USP40: variants seen among roughly 807,000 people sequenced by gnomAD.
USP40 encodes the protein ubiquitin carboxyl-terminal hydrolase 40.
A neutral mutation model predicts 166.2 loss-of-function variants in USP40; 143 were observed. That is an observed-to-expected ratio of 0.86 (90% CI 0.75 to 0.99). The LOEUF is 0.99. USP40 is among the 50% of genes least tolerant of loss of function. USP40 has a pLI of 0.00. For missense variants in USP40, 1,444 were observed against 1,479.7 expected (o/e 0.98, Z 0.40); for synonymous variants, 498 against 524.0 (o/e 0.95, Z 0.68).
chr2:233,506,795 C>T (rs887929720), intron 21 of USP40, among the ~76,000 whole-genome samples: 5 of 150,244 alleles, frequency 3.3e-5, no homozygotes, highest in Non-Finnish European at 7.4e-5. Flanking sequence ...CCTGCGATCC[C>T]AGCTACTTCG....
chr2:233,515,428 G>A (rs547362229), intron 18 of USP40, among the ~76,000 whole-genome samples: 8 of 152,300 alleles, frequency 5.3e-5, no homozygotes, highest in Middle Eastern at 3.4e-3. Context: ...TGGGTGCACA[G>A]TAGGGTGTCA....
At chr2:233,564,873 G>A (rs2071995541) in intron 2 of USP40, among the ~76,000 whole-genome samples, 1 of 152,136 alleles carries the variant, frequency 6.6e-6, no homozygotes, top group Non-Finnish European at 1.5e-5. Flanking sequence ...ACAAGCTCAG[G>A]TGAGATCAGA....
intron 2 of USP40, 39 bp from the exon 3 acceptor site, chr2:233,562,842 A>G (rs2071777952): frequency 2.1e-6 from 3 of 1,455,050 alleles, no homozygotes. Context: ...AAATGACATC[A>G]TTTCATTTTA....
chr2:233,511,874 T>C, intron 19 of USP40, 77 bp from the exon 20 acceptor site: 1 of 1,211,596 alleles, frequency 8.3e-7, no homozygotes, highest in Non-Finnish European at 1.1e-6. Flanking sequence ...GAAATCAGTA[T>C]TTCTTTGAAA....
chr2:233,559,550 T>G (rs1262679956), intron 4 of USP40, among the ~76,000 whole-genome samples: 1 of 152,176 alleles, frequency 6.6e-6, no homozygotes, highest in Non-Finnish European at 1.5e-5. Flanking sequence ...GGGTAGAAAT[T>G]GTAAAAATCA....
In USP40 at chr2:233,519,694, T is replaced by A. The variant is rs768925393; in HGVS notation, c.2326-23A>T. 9.2e-6 allele frequency: 12 copies of A among 1,303,174 alleles called. No homozygotes were observed. In the Middle Eastern group the frequency reaches 5.6e-4, roughly 61 times the overall value. The allele number at this position is 1,303,174 out of a possible 1,614,324, so 80.7% of individuals were successfully genotyped here. On this transcript the variant is annotated intron_variant, in intron 17 of 31. Coordinates refer to ENST00000678225, the MANE Select transcript of USP40 (RefSeq NM_001365479.2). ...CATCTAAAACAGAGAAATAAAATAA[T>A]GACTAAGTTGTAAAAAATGGGAGGA...
intron 6 of USP40, 131 bp from the exon 7 acceptor site, chr2:233,551,650 T>C (rs953695649): frequency 3.4e-6 from 3 of 870,798 alleles, no homozygotes; most frequent in Non-Finnish European, 5.1e-6. Flanking sequence ...CTCATTACCA[T>C]GGATTCAACA....
intron 10 of USP40, among the ~76,000 whole-genome samples, chr2:233,534,148 G>A (rs1185041194): frequency 6.6e-6 from 1 of 152,188 alleles, no homozygotes; most frequent in African/African-American, 2.4e-5. Flanking sequence ...CAATCACACA[G>A]TGTACCACCA....
In USP40 at chr2:233,493,426, T is replaced by G. The variant is rs754492955; in HGVS notation, c.2916A>C (p.Gln972His). ...GCTGAAATCCCATTCTGTTCTCACC[T>G]TGGCTGGAAGTGGCTCTCCAAACTC... ...WGRVWRATSS[Q>H]GASGNEPAQV... is the part of the protein sequence containing the mutation. Residue 972 changes from glutamine (Q) to histidine (H), a missense_variant and splice_region_variant, in exon 25 of 32, where the codon CAA becomes CAC. Transcript: ENST00000678225. The surrounding 1 kb of genome is among the most constrained non-coding windows in gnomAD (Gnocchi z 4.7). The G allele has an allele frequency of 6.2e-7, 1 of 1,614,018 alleles. No individual in the cohort carries two copies. The highest frequency in any genetic ancestry group is 2.2e-5 in the East Asian group (1 of 44,884).
In USP40 at chr2:233,475,705, T is replaced by C. The variant is rs538715435; in HGVS notation, c.*1687A>G. The stretch of plus-strand genomic sequence containing the variant: ...TCAGGGCACAACCCACACGCGTCTT[T>C]GGACTTGCAGACATTCCGCGAGGCT... On this transcript the variant is annotated 3_prime_UTR_variant, in exon 32 of 32. Coordinates refer to ENST00000678225, the MANE Select transcript of USP40 (RefSeq NM_001365479.2). 1.3e-5 allele frequency: 2 copies of C among 152,390 alleles called. No individual in the cohort carries two copies. The highest frequency in any genetic ancestry group is 2.9e-5 in the Non-Finnish European group (2 of 68,054). The allele number at this position is 152,390 out of a possible 1,614,324, so 9.4% of individuals were successfully genotyped here. A position where few individuals can be genotyped will look rare whatever the true frequency, so the allele number is the denominator to read the frequency against.
At chr2:233,477,822 A>T (rs1474917377) in intron 31 of USP40, among the ~76,000 whole-genome samples, 3 of 152,204 alleles carry the variant, frequency 2.0e-5, no homozygotes, top group African/African-American at 7.2e-5. Flanking sequence ...GAAGAATAAC[A>T]TCCGGAGTGC....
intron 8 of USP40, chr2:233,542,646 C>G (rs540313674): frequency 9.9e-5 from 27 of 272,044 alleles, no homozygotes; most frequent in Admixed American, 3.8e-4. Flanking sequence ...CCACTGCACT[C>G]CAGCATGGAT....
At chr2:233,512,461 A>G in intron 19 of USP40, 108 bp downstream of exon 19, 2 of 594,652 alleles carry the variant, frequency 3.4e-6, no homozygotes, top group Non-Finnish European at 5.4e-6. Context: ...TGTCCTATAA[A>G]TCAGTTTCCA....
At chr2:233,558,199 A>G (rs1021226859) in intron 4 of USP40, among the ~76,000 whole-genome samples, 1 of 152,026 alleles carries the variant, frequency 6.6e-6, no homozygotes, top group Non-Finnish European at 1.5e-5. Flanking sequence ...CACTTCGCAA[A>G]GGTACCACAG....
chr2:233,493,344 T>A lies in USP40; in HGVS notation c.2917+81A>T, dbSNP rs1342319568. 3 of 1,578,078 alleles carry A rather than the reference T, an allele frequency of 1.9e-6. No homozygotes were observed. The highest frequency in any genetic ancestry group is 2.7e-5 in the African/African-American group (2 of 74,046). On this transcript the variant is annotated intron_variant, in intron 25 of 31. Transcript: ENST00000678225. This position sits in a 1 kb window ranked among gnomAD's most constrained non-coding sequence, Gnocchi z 4.7. ...ATCTTACGTTTTAAAAATAAATATA[T>A]CAATTGACTCTCAGAGCACAGGCAG...
intron 5 of USP40, among the ~76,000 whole-genome samples, chr2:233,555,474 G>A (rs1461791597): frequency 6.6e-6 from 1 of 152,016 alleles, no homozygotes; most frequent in African/African-American, 2.4e-5. Context: ...ACAGTATATG[G>A]TTTATAATAT....
chr2:233,494,891 T>G (rs1224926227), intron 24 of USP40, among the ~76,000 whole-genome samples: 3 of 102,060 alleles, frequency 2.9e-5, no homozygotes, highest in Non-Finnish European at 5.7e-5. Context: ...ATCCTGTAGA[T>G]ATACTCATAT....
At position 233,559,841 on chromosome 2, in the gene USP40, G is replaced by A. The variant is rs1341749015; in HGVS notation, c.351C>T (p.Leu117=). The change falls in exon 4 of 32, where the codon CTC becomes CTT. Residue 117 remains leucine (L), a synonymous_variant. Coordinates refer to ENST00000678225, the MANE Select transcript of USP40 (RefSeq NM_001365479.2). ...LDQEAASTAD[L]TDSFGWTSNE... ...TACTGGTCCACCCAAAGCTGTCAGT[G>A]AGGTCTGCTGTGGATGCAGCTTCCT... is the stretch of plus-strand genomic sequence containing the variant. 1 of 1,609,858 alleles carries A rather than the reference G, an allele frequency of 6.2e-7. No individual in the cohort carries two copies. Among genetic ancestry groups the A allele is most frequent in the African/African-American group, 1.3e-5 (1 of 75,006 alleles).
intron 31 of USP40, among the ~76,000 whole-genome samples, chr2:233,479,873 C>T (rs949987810): frequency 2.0e-5 from 3 of 152,232 alleles, no homozygotes; most frequent in Admixed American, 6.5e-5. Context: ...GCCCAGACCC[C>T]GGAGAGCAGA....
Sources: allele counts gnomAD v4.1 joint callset (sites outside exome capture counted in the v4.1 genomes callset), GRCh38; gene constraint gnomAD v4.1.1; non-coding constraint Gnocchi (gnomAD v3.1); transcripts MANE v1.5; gene names NCBI Gene and HGNC (gene_info 2026-07-23, HGNC 2026-07-21).